Variants in STARD13 observed in about 807,000 individuals in gnomAD.
STARD13 encodes stAR-related lipid transfer protein 13.
Under a neutral mutation model 106.4 loss-of-function variants are expected in STARD13, and 62 were observed. That is an observed-to-expected ratio of 0.58 (90% CI 0.48 to 0.72). The LOEUF (loss-of-function observed/expected upper bound fraction) is 0.72. Ranked by LOEUF, STARD13 falls within the 30% of genes least tolerant of loss-of-function variation. STARD13 has a pLI of 0.00. For synonymous variants in STARD13, 565 were observed against 553.0 expected (o/e 1.02, Z -0.31); for missense variants, 1,387 against 1,424.0 (o/e 0.97, Z 0.42).
intron 7 of STARD13, among the ~76,000 whole-genome samples, chr13:33,120,839 A>C (rs1593881711): frequency 6.6e-6 from 1 of 151,542 alleles, no homozygotes; most frequent in Non-Finnish European, 1.5e-5. Context: ...TGGCGCATTC[A>C]AGTGATTCTC....
the STARD13 span, among the ~76,000 whole-genome samples, chr13:33,487,634 C>A: frequency 1.3e-5 from 2 of 152,108 alleles, no homozygotes; most frequent in African/African-American, 4.8e-5. Flanking sequence ...TTAATTTGGG[C>A]ACCTTCATAA....
intron 1 of STARD13, among the ~76,000 whole-genome samples, chr13:33,297,914 C>G (rs1011691270): frequency 1.3e-5 from 2 of 152,052 alleles, no homozygotes; most frequent in African/African-American, 4.8e-5. Flanking sequence ...GTGTCTCATA[C>G]AGTTATGCAA....
chr13:33,465,567 C>T, the STARD13 span, among the ~76,000 whole-genome samples: 1 of 152,140 alleles, frequency 6.6e-6, no homozygotes, highest in Admixed American at 6.5e-5. Context: ...ATGTTCCTCC[C>T]CATTGCCTAA....
At position 33,112,902 on chromosome 13, in the gene STARD13, C is replaced by T. The variant is rs563399207; in HGVS notation, c.2311G>A (p.Val771Met). The change falls in exon 9 of 14, where the codon GTG becomes ATG. Residue 771 changes from valine to methionine, a missense_variant. By Grantham distance (21) the Val-to-Met change is conservative. Coordinates refer to ENST00000336934, the MANE Select transcript of STARD13 (RefSeq NM_178006.4). ...GCCAGTAGCAGGATGGCAGCCTGCA[C>T]GGCCTGCAGCCGCTGCTCTTTGGAG... is the stretch of plus-strand genomic sequence containing the variant. ...YVSKEQRLQAVQAAILLLADE... is the reference protein window; with the variant it reads ...YVSKEQRLQAMQAAILLLADE... 7.6e-5 allele frequency: 122 copies of T among 1,611,764 alleles called. No homozygotes were observed. The South Asian group carries it at 8.3e-4, about 11-fold the overall frequency.
At chr13:33,245,501 T>G (rs1209702949) in intron 1 of STARD13, among the ~76,000 whole-genome samples, 1 of 152,196 alleles carries the variant, frequency 6.6e-6, no homozygotes, top group African/African-American at 2.4e-5. Flanking sequence ...GAATGGAGGC[T>G]TTCAGAATGT....
chr13:33,243,482 G>A (rs984743621), intron 1 of STARD13, among the ~76,000 whole-genome samples: 1 of 152,184 alleles, frequency 6.6e-6, no homozygotes, highest in Non-Finnish European at 1.5e-5. Context: ...GGCCTCTTAT[G>A]CCACCTTAAG....
chr13:33,266,696 A>G lies in STARD13; in HGVS notation c.169+18774T>C, dbSNP rs115094996. Among the ~76,000 whole-genome samples, 325 of 151,028 alleles carry G rather than the reference A, an allele frequency of 2.2e-3. 1 individual carries two copies. The highest frequency in any genetic ancestry group is 7.4e-3 in the African/African-American group (306 of 41,098). Reference sequence around the variant, plus strand: ...AGTGGTCTCCCCTCTTTACCTTACCACTCTGTTGCCTACACATACTTCTAA... The same window carrying G: ...AGTGGTCTCCCCTCTTTACCTTACCGCTCTGTTGCCTACACATACTTCTAA... On this transcript the variant is annotated intron_variant, in intron 1 of 13. Transcript: ENST00000336934.
chr13:33,306,171 C>T (rs116050348), intron 1 of STARD13, among the ~76,000 whole-genome samples: 1,552 of 152,198 alleles, frequency 0.01, 36 homozygotes, highest in African/African-American at 0.035. Context: ...GAAATAAGAC[C>T]GCACATCTAC....
chr13:33,531,575 G>A, the STARD13 span, among the ~76,000 whole-genome samples: 4 of 152,004 alleles, frequency 2.6e-5, no homozygotes, highest in Non-Finnish European at 5.9e-5. Context: ...AGAAGACCTG[G>A]TTTCTTTAAA....
chr13:33,189,254 G>A (rs1490961741), intron 1 of STARD13, among the ~76,000 whole-genome samples: 1 of 151,690 alleles, frequency 6.6e-6, no homozygotes, highest in Admixed American at 6.6e-5. Flanking sequence ...CAAAGTGGCT[G>A]TATCTTTTAA....
chr13:33,558,888 T>C, the STARD13 span, among the ~76,000 whole-genome samples: 1 of 151,636 alleles, frequency 6.6e-6, no homozygotes, highest in Non-Finnish European at 1.5e-5. Flanking sequence ...TTGTTATCAG[T>C]AATCCTCAGG....
At chr13:33,454,933 C>G in the STARD13 span, among the ~76,000 whole-genome samples, 15 of 152,194 alleles carry the variant, frequency 9.9e-5, no homozygotes, top group Non-Finnish European at 2.1e-4. Context: ...TAGATACTTA[C>G]TCTGCACCAG....
chr13:33,572,334 T>C, the STARD13 span, among the ~76,000 whole-genome samples: 1 of 152,188 alleles, frequency 6.6e-6, no homozygotes. Flanking sequence ...CAATCAAATG[T>C]AGCCAACTGT....
the STARD13 span, among the ~76,000 whole-genome samples, chr13:33,499,702 TC>T: frequency 6.9e-6 from 1 of 145,684 alleles, no homozygotes; most frequent in African/African-American, 2.6e-5. Context: ...TTCCTCTTCC[TC>T]TTCCTCTTCC....
the STARD13 span, among the ~76,000 whole-genome samples, chr13:33,380,330 G>A: frequency 1.3e-5 from 2 of 151,484 alleles, no homozygotes; most frequent in Admixed American, 6.6e-5. Flanking sequence ...CAGGAGAATG[G>A]CTTGAGCCCT....
chr13:33,197,718 C>T (rs1471480287), intron 1 of STARD13, among the ~76,000 whole-genome samples: 5 of 152,180 alleles, frequency 3.3e-5, no homozygotes, highest in Admixed American at 1.3e-4. Context: ...CCTGCTCATC[C>T]GTCCTTACAT....
chr13:33,416,353 AG>A, the STARD13 span, among the ~76,000 whole-genome samples: 1 of 152,254 alleles, frequency 6.6e-6, no homozygotes, highest in African/African-American at 2.4e-5. Context: ...GCTAGTTGTA[AG>A]GGTGGTAAGA....
chr13:33,375,104 C>T, the STARD13 span, among the ~76,000 whole-genome samples: 1 of 152,128 alleles, frequency 6.6e-6, no homozygotes, highest in African/African-American at 2.4e-5. Context: ...ATTACTCATG[C>T]TATCCCTTAG....
chr13:33,135,718 C>A (rs951640980), intron 4 of STARD13, among the ~76,000 whole-genome samples: 1 of 152,160 alleles, frequency 6.6e-6, no homozygotes, highest in Admixed American at 6.5e-5. Context: ...GGTTTCCCTA[C>A]GATGACTGGT....
Sources: allele counts gnomAD v4.1 joint callset (sites outside exome capture counted in the v4.1 genomes callset), GRCh38; gene constraint gnomAD v4.1.1; transcripts MANE v1.5; gene names NCBI Gene and HGNC (gene_info 2026-07-23, HGNC 2026-07-21).